Variants in MPZL3 observed in about 807,000 individuals in gnomAD.
MPZL3 encodes the protein myelin protein zero-like protein 3.
MPZL3 carries 23 observed loss-of-function variants against 24.8 expected under a neutral mutation model. That is an observed-to-expected ratio of 0.93 (90% CI 0.67 to 1.31). MPZL3 has a LOEUF of 1.31. MPZL3 is among the 40% of genes most tolerant of loss of function. The probability of loss-of-function intolerance (pLI) is 0.00; values close to 1 mark genes in which losing one functional copy is unlikely to be tolerated. For missense variants in MPZL3, 277 were observed against 294.9 expected (o/e 0.94, Z 0.44); for synonymous variants, 99 against 106.5 (o/e 0.93, Z 0.44).
chr11:118,251,078 C>CGTGTGTGTGT (rs3221165), intron 1 of MPZL3, among the ~76,000 whole-genome samples: 13 of 144,376 alleles, frequency 9.0e-5, no homozygotes, highest in South Asian at 4.4e-4. Flanking sequence ...GAATATTTCT[C>CGTGTGTGTGT]GTGTGTGTGT....
intron 3 of MPZL3, among the ~76,000 whole-genome samples, chr11:118,236,445 C>T (rs186680721): frequency 1.8e-3 from 268 of 152,028 alleles, no homozygotes; most frequent in Non-Finnish European, 3.0e-3. Context: ...GAAATGATGA[C>T]GAATCTATAA....
At chr11:118,233,252 C>G (rs1949375885) in intron 5 of MPZL3, among the ~76,000 whole-genome samples, 2 of 152,096 alleles carry the variant, frequency 1.3e-5, no homozygotes, top group Admixed American at 1.3e-4. Flanking sequence ...GACCACTGCT[C>G]TACGACCACG....
rs1565489828 is a variant in MPZL3 at position 118,229,037 on chromosome 11, G to A, written c.*857C>T. The A allele has an allele frequency of 6.9e-6, 1 of 145,054 alleles. No homozygotes were observed. Among genetic ancestry groups the A allele is most frequent in the Non-Finnish European group, 1.5e-5 (1 of 67,610 alleles). 9.0% of individuals were successfully genotyped at this position (145,054 alleles called of 1,614,324 possible). ...AGCTACTCGAGAGGCTGAGGCACAA[G>A]AATCGCTTGAACCCAGGAGGCAGAG... is the stretch of plus-strand genomic sequence containing the variant. On this transcript the variant is annotated 3_prime_UTR_variant, in exon 6 of 6. Transcript: ENST00000278949.
rs200824563 is a variant in MPZL3, at chr11:118,235,583, C to T, written c.458G>A (p.Gly153Asp). ...TELTVTERGF[G>D]TMLSSVALLS... ...AAGGGCCACAGAGGAAAGCATGGTG[C>T]CAAAACCTAGAGGCGGAGAAAGAGA... Residue 153 changes from glycine (G) to aspartate (D), a missense_variant, in exon 4 of 6, where the codon GGC (glycine) becomes GAC (aspartate). Transcript: ENST00000278949. 578 of 1,613,518 alleles carry T rather than the reference C, an allele frequency of 3.6e-4. 3 individuals carry two copies. Among genetic ancestry groups the T allele is most frequent in the Non-Finnish European group, 2.0e-5 (24 of 1,179,688 alleles).
intron 1 of MPZL3, among the ~76,000 whole-genome samples, chr11:118,250,079 G>A (rs1436898263): frequency 6.6e-6 from 1 of 151,498 alleles, no homozygotes; most frequent in Non-Finnish European, 1.5e-5. Context: ...CCAGATCACT[G>A]CAACTCCGAC....
At chr11:118,235,836 G>T (rs1412516718) in intron 3 of MPZL3, among the ~76,000 whole-genome samples, 1 of 152,094 alleles carries the variant, frequency 6.6e-6, no homozygotes, top group Admixed American at 6.5e-5. Flanking sequence ...CGGGTATGGG[G>T]TGCAAGGAGG....
In MPZL3 at chr11:118,227,531, C is replaced by T. The variant is rs1467361755; in HGVS notation, c.*2363G>A. On this transcript the variant is annotated 3_prime_UTR_variant, in exon 6 of 6. Coordinates refer to ENST00000278949, the MANE Select transcript of MPZL3 (RefSeq NM_198275.3). ...GGATGAAGAAGGAAAATGATAGCAG[C>T]TGATGACTGGGATGCGACCACAAAC... The T allele has an allele frequency of 6.6e-6, 1 of 152,190 alleles. No homozygotes were observed. Among genetic ancestry groups the T allele is most frequent in the Non-Finnish European group, 1.5e-5 (1 of 68,036 alleles). The allele number at this position is 152,190 out of a possible 1,614,324, so 9.4% of individuals were successfully genotyped here.
Position 118,239,253 on chromosome 11 carries a change from GA to G in MPZL3, c.240+957del, listed in dbSNP as rs566775672. ...GAATCAAGTGAACTATTTCAAGTCT[GA>G]AAAAAAAGTGGGAGGGGAGCATGAA... is the stretch of plus-strand genomic sequence containing the variant. On this transcript the variant is annotated intron_variant, in intron 2 of 5. Transcript: ENST00000278949. Among the ~76,000 whole-genome samples the G allele has an allele frequency of 1.6e-3, 247 of 151,862 alleles. 3 individuals carry two copies. The highest frequency in any genetic ancestry group is 5.7e-3 in the African/African-American group (235 of 41,442).
chr11:118,237,320 G>A, intron 2 of MPZL3, 60 bp from the exon 3 acceptor site: 2 of 1,449,918 alleles, frequency 1.4e-6, no homozygotes, highest in South Asian at 1.1e-5. Flanking sequence ...AAAATATAAA[G>A]CTCAGTAGGT....
Position 118,229,132 on chromosome 11 carries a change from A to C in MPZL3, c.*762T>G, listed in dbSNP as rs936701016. On this transcript the variant is annotated 3_prime_UTR_variant, in exon 6 of 6. Transcript: ENST00000278949. ...CAGAGTGAGACTCTGCCTCAAAAAA[A>C]AAAAAAAAAAAAAAAAAGCAAGACA... 2 of 60,230 alleles carry C rather than the reference A, an allele frequency of 3.3e-5. No homozygotes were observed. Among genetic ancestry groups the C allele is most frequent in the African/African-American group, 6.7e-5 (2 of 30,058 alleles). 3.7% of individuals were successfully genotyped at this position (60,230 alleles called of 1,614,324 possible). A position where few individuals can be genotyped will look rare whatever the true frequency, so the allele number is the denominator to read the frequency against.
chr11:118,235,302 A>C, intron 4 of MPZL3, 122 bp downstream of exon 4: 1 of 1,227,126 alleles, frequency 8.1e-7, no homozygotes, highest in Non-Finnish European at 1.1e-6. Context: ...ATTCTCTTTG[A>C]AAAGAAAGTT....
chr11:118,241,596 A>C (rs939643890), intron 1 of MPZL3, among the ~76,000 whole-genome samples: 6 of 152,220 alleles, frequency 3.9e-5, no homozygotes, highest in African/African-American at 1.4e-4. Flanking sequence ...AGCCTACCCG[A>C]ACCAGAGTAA....
At chr11:118,236,683 A>G (rs1179432387) in intron 3 of MPZL3, among the ~76,000 whole-genome samples, 1 of 152,204 alleles carries the variant, frequency 6.6e-6, no homozygotes, top group Non-Finnish European at 1.5e-5. Flanking sequence ...ACACTATGCC[A>G]TAACTGGGAG....
At chr11:118,240,711 C>T (rs965486946) in intron 1 of MPZL3, among the ~76,000 whole-genome samples, 19 of 149,200 alleles carry the variant, frequency 1.3e-4, no homozygotes, top group Non-Finnish European at 2.7e-4. Context: ...CAACATCACC[C>T]ATCCCCTTCC....
chr11:118,245,637 C>A (rs1331352427), intron 1 of MPZL3, among the ~76,000 whole-genome samples: 1 of 151,974 alleles, frequency 6.6e-6, no homozygotes, highest in Non-Finnish European at 1.5e-5. Context: ...TGGTTTAGGG[C>A]AAAGGTGAGC....
chr11:118,235,623 G>A (rs1294813807), intron 3 of MPZL3, 34 bp from the exon 4 acceptor site: 2 of 1,602,768 alleles, frequency 1.2e-6, no homozygotes, highest in Non-Finnish European at 1.7e-6. Context: ...AAAAGACAGG[G>A]ACATGCAAAT....
chr11:118,249,358 A>T (rs967406960), intron 1 of MPZL3, among the ~76,000 whole-genome samples: 15 of 152,182 alleles, frequency 9.9e-5, no homozygotes, highest in African/African-American at 2.4e-4. Flanking sequence ...TACTGAAATT[A>T]AAAAATGTTT....
intron 1 of MPZL3, among the ~76,000 whole-genome samples, chr11:118,248,651 G>GA (rs34623109): frequency 0.21 from 31,690 of 149,750 alleles, 3,372 homozygotes; most frequent in Middle Eastern, 0.27. Flanking sequence ...CAGGGCTGGT[G>GA]AAAAAAAAAA....
In MPZL3 at chr11:118,251,118, T is replaced by TGTGTGTGA. The variant is rs1491135921; in HGVS notation, c.73+1103_73+1104insTCACACAC. On this transcript the variant is annotated intron_variant, in intron 1 of 5. Coordinates refer to ENST00000278949, the MANE Select transcript of MPZL3 (RefSeq NM_198275.3). ...GTGTGTGTGTGTGTGTGTGTGTGTG[T>TGTGTGTGA]GAAAGAGAGAGAGAGAGGACTGGGT... 6.4e-4 allele frequency among the ~76,000 whole-genome samples: 83 copies of TGTGTGTGA among 129,710 alleles called. 2 individuals carry two copies. Among genetic ancestry groups the TGTGTGTGA allele is most frequent in the African/African-American group, 2.3e-3 (80 of 35,224 alleles). The allele number at this position is 129,710 out of a possible 152,430, so 85.1% of individuals were successfully genotyped here.
Sources: gnomAD v4.1 joint callset for allele counts (sites outside exome capture counted in the v4.1 genomes callset) on GRCh38, gnomAD v4.1.1 for gene constraint, MANE v1.5 for transcripts, NCBI Gene and HGNC (gene_info 2026-07-23, HGNC 2026-07-21) for gene names.